Variants in PPP1R9A observed in about 807,000 individuals in gnomAD.
PPP1R9A encodes protein phosphatase 1 regulatory subunit 9A, also known as neurabin-1.
In PPP1R9A, 59 loss-of-function variants were observed where a neutral mutation model predicts 141.9. The observed-to-expected ratio is 0.42, with a 90% CI of 0.34 to 0.52. PPP1R9A has a LOEUF of 0.52. PPP1R9A is among the 20% of genes least tolerant of loss of function. PPP1R9A has a pLI of 0.10. For missense variants in PPP1R9A, 1,444 were observed against 1,611.9 expected, an observed-to-expected ratio of 0.90 and a Z score of 1.78; for synonymous variants, 500 against 569.7, an observed-to-expected ratio of 0.88 and a Z score of 1.74.
At chr7:95,076,575 A>G (rs1814894851) in intron 2 of PPP1R9A, among the ~76,000 whole-genome samples, 1 of 152,058 alleles carries the variant, frequency 6.6e-6, no homozygotes, top group Admixed American at 6.6e-5. Flanking sequence ...TCTTATATCT[A>G]GCTGCTCTCC....
chr7:95,122,443 G>T (rs1822811659), intron 4 of PPP1R9A, among the ~76,000 whole-genome samples: 1 of 152,082 alleles, frequency 6.6e-6, no homozygotes, highest in African/African-American at 2.4e-5. Context: ...CACCTTGCCT[G>T]GCCCATTGTT....
intron 14 of PPP1R9A, among the ~76,000 whole-genome samples, chr7:95,269,884 C>T (rs1384352964): frequency 2.0e-5 from 3 of 152,108 alleles, no homozygotes; most frequent in East Asian, 1.9e-4. Context: ...TCAGTAAACA[C>T]TAACGTAGTC....
chr7:95,043,131 T>G (rs1226299355), intron 2 of PPP1R9A, among the ~76,000 whole-genome samples: 2 of 152,212 alleles, frequency 1.3e-5, no homozygotes, highest in Non-Finnish European at 1.5e-5. Context: ...GTTATTCTTT[T>G]GTGATATTTC....
intron 2 of PPP1R9A, among the ~76,000 whole-genome samples, chr7:95,048,939 TA>T (rs1810414569): frequency 6.6e-6 from 1 of 150,554 alleles, no homozygotes; most frequent in Non-Finnish European, 1.5e-5. Context: ...GTTATATCTA[TA>T]AATTTACAAA....
At chr7:95,069,804 G>C (rs566510602) in intron 2 of PPP1R9A, among the ~76,000 whole-genome samples, 1 of 152,100 alleles carries the variant, frequency 6.6e-6, no homozygotes, top group Non-Finnish European at 1.5e-5. Flanking sequence ...AGACAGCCAA[G>C]GGGGAAGAGA....
intron 2 of PPP1R9A, among the ~76,000 whole-genome samples, chr7:94,994,005 C>A (rs1031957146): frequency 1.3e-5 from 2 of 152,068 alleles, no homozygotes; most frequent in Non-Finnish European, 1.5e-5. Context: ...TGGCTGACAT[C>A]CTATAACAAA....
chr7:95,216,430 G>C (rs569302948), intron 7 of PPP1R9A, among the ~76,000 whole-genome samples: 2 of 152,280 alleles, frequency 1.3e-5, no homozygotes, highest in Non-Finnish European at 2.9e-5. Flanking sequence ...TTTGGCTTAG[G>C]ATTGTCTTGG....
At chr7:94,928,227 G>A (rs1793722568) in intron 2 of PPP1R9A, among the ~76,000 whole-genome samples, 1 of 152,036 alleles carries the variant, frequency 6.6e-6, no homozygotes, top group East Asian at 1.9e-4. Context: ...CAGAACAGTT[G>A]GAGGAACATG....
intron 2 of PPP1R9A, among the ~76,000 whole-genome samples, chr7:94,940,881 T>C (rs1795267577): frequency 6.6e-6 from 1 of 152,198 alleles, no homozygotes; most frequent in Admixed American, 6.5e-5. Context: ...CTTAGGGAAT[T>C]AATTCTGCCA....
In PPP1R9A at chr7:95,020,773, A is replaced by T. The variant is rs539682274; in HGVS notation, c.1396-90486A>T. Among the ~76,000 whole-genome samples, 18 of 152,350 alleles carry T rather than the reference A, an allele frequency of 1.2e-4. No individual in the cohort carries two copies. In the East Asian group the frequency reaches 3.5e-3, roughly 29 times the overall value. On this transcript the variant is annotated intron_variant, in intron 2 of 19. Coordinates refer to ENST00000433360, the MANE Select transcript of PPP1R9A (RefSeq NM_001166160.2). ...TTTCCAGCTTCATCCATGTCCCTAC[A>T]AATAACATGAACTCATCCTTTTCAA...
chr7:95,223,251 C>T (rs1408613953), intron 7 of PPP1R9A, among the ~76,000 whole-genome samples: 2 of 151,882 alleles, frequency 1.3e-5, no homozygotes. Context: ...AGGATACTGG[C>T]AAAGTCCACA....
rs187798433 is a variant in PPP1R9A, at chr7:94,984,679, C to T, written c.1395+73171C>T. ...ATTTCCTTGAGATCGGTGGTGATAT[C>T]CCCTTTATCATTTTTTATTGCATCT... On this transcript the variant is annotated intron_variant, in intron 2 of 19. Transcript: ENST00000433360. 2.0e-5 allele frequency among the ~76,000 whole-genome samples: 3 copies of T among 152,106 alleles called. No homozygotes were observed. The East Asian group carries it at 5.8e-4, about 29-fold the overall frequency.
intron 2 of PPP1R9A, among the ~76,000 whole-genome samples, chr7:95,099,125 A>G (rs948097471): frequency 2.0e-5 from 3 of 152,346 alleles, no homozygotes; most frequent in African/African-American, 7.2e-5. Flanking sequence ...TTGTAGTAAA[A>G]GAAGCAGGAA....
chr7:95,115,638 G>A (rs1584767850), intron 3 of PPP1R9A, among the ~76,000 whole-genome samples: 1 of 152,006 alleles, frequency 6.6e-6, no homozygotes, highest in Non-Finnish European at 1.5e-5. Context: ...AAGAGAAAAG[G>A]CCAGGTGCGG....
chr7:95,118,068 G>C (rs2152471878), intron 3 of PPP1R9A, among the ~76,000 whole-genome samples: 1 of 152,286 alleles, frequency 6.6e-6, no homozygotes, highest in South Asian at 2.1e-4. Flanking sequence ...ATGTCAATAA[G>C]AATTCAGCTA....
chr7:95,176,709 A>T (rs1317806940), intron 5 of PPP1R9A, among the ~76,000 whole-genome samples: 1 of 152,188 alleles, frequency 6.6e-6, no homozygotes, highest in African/African-American at 2.4e-5. Context: ...GGACACACTT[A>T]TAGAAATGCA....
intron 2 of PPP1R9A, among the ~76,000 whole-genome samples, chr7:95,074,849 C>T (rs1222888644): frequency 6.6e-6 from 1 of 152,034 alleles, no homozygotes; most frequent in Non-Finnish European, 1.5e-5. Context: ...TTTTCTCCTC[C>T]TACTCTCTCC....
intron 7 of PPP1R9A, among the ~76,000 whole-genome samples, chr7:95,224,961 A>G (rs191375549): frequency 1.8e-3 from 268 of 152,216 alleles, no homozygotes; most frequent in African/African-American, 6.0e-3. Context: ...TCAGTGATTT[A>G]TCTTTAAATT....
chr7:94,949,929 G>T (rs1190920536), intron 2 of PPP1R9A, among the ~76,000 whole-genome samples: 8 of 147,976 alleles, frequency 5.4e-5, no homozygotes, highest in Admixed American at 4.7e-4. Flanking sequence ...TTTTTGAATG[G>T]TCACTTTTTT....
Sources: allele counts gnomAD v4.1 joint callset (sites outside exome capture counted in the v4.1 genomes callset), GRCh38; gene constraint gnomAD v4.1.1; transcripts MANE v1.5; gene names NCBI Gene and HGNC (gene_info 2026-07-23, HGNC 2026-07-21).